The following PTPN3 variants were observed in gnomAD, a reference collection of about 807,000 sequenced individuals.
The protein encoded by PTPN3 is tyrosine-protein phosphatase non-receptor type 3.
A neutral mutation model predicts 132.7 loss-of-function variants in PTPN3; 96 were observed. The observed-to-expected ratio is 0.72, with a 90% CI of 0.61 to 0.86. The LOEUF (loss-of-function observed/expected upper bound fraction) is 0.86, where lower values mean the gene tolerates loss of function less well. Among genes scored for constraint, PTPN3 ranks in the 40% least tolerant of loss-of-function variants. PTPN3 has a pLI of 0.00. For missense variants in PTPN3, 1,125 were observed against 1,159.6 expected, an observed-to-expected ratio of 0.97 and a Z score of 0.43; for synonymous variants, 398 against 429.0, an observed-to-expected ratio of 0.93 and a Z score of 0.89.
chr9:109,474,521 C>T (rs1438967201), intron 1 of PTPN3, among the ~76,000 whole-genome samples: 1 of 152,050 alleles, frequency 6.6e-6, no homozygotes, highest in African/African-American at 2.4e-5. Context: ...GGTGTCAGGA[C>T]CGGTTCACAG....
At position 109,389,292 on chromosome 9, in the gene PTPN3, C is replaced by T; in HGVS notation, c.2194G>A (p.Val732Ile). Residue 732 changes from valine to isoleucine, a missense_variant, in exon 22 of 26, where the codon GTC becomes ATC. Val to Ile is a conservative substitution (Grantham distance 29). Transcript: ENST00000374541. ...PHTCAQFWQV[V>I]WDQKLSLIVM... ...ATGAGTGACAACTTCTGATCCCAGA[C>T]AACCTGCCAAAACTGTGCACAGGTA... 1.2e-6 allele frequency: 2 copies of T among 1,614,218 alleles called. No individual in the cohort carries two copies.
intron 12 of PTPN3, among the ~76,000 whole-genome samples, chr9:109,423,100 G>C (rs1842996143): frequency 6.6e-6 from 1 of 152,214 alleles, no homozygotes; most frequent in South Asian, 2.1e-4. Flanking sequence ...GCTGTTTCCA[G>C]AATATAACCA....
intron 7 of PTPN3, among the ~76,000 whole-genome samples, chr9:109,442,713 A>G (rs1844574832): frequency 6.6e-6 from 1 of 152,224 alleles, no homozygotes. Flanking sequence ...CGTGCCATGC[A>G]CTATTCTAAT....
At chr9:109,423,334 G>A (rs550072337) in intron 12 of PTPN3, among the ~76,000 whole-genome samples, 9 of 152,370 alleles carry the variant, frequency 5.9e-5, no homozygotes, top group South Asian at 4.1e-4. Context: ...ACTGGGCACA[G>A]TGGCTCATGC....
upstream of PTPN3, among the ~76,000 whole-genome samples, chr9:109,501,983 T>G (rs2132142572): frequency 6.6e-6 from 1 of 152,338 alleles, no homozygotes; most frequent in African/African-American, 2.4e-5. Flanking sequence ...GCCAGTAGAC[T>G]GTACCTGGCT....
the PTPN3 span, among the ~76,000 whole-genome samples, chr9:109,524,495 A>C: frequency 6.6e-6 from 1 of 152,218 alleles, no homozygotes; most frequent in South Asian, 2.1e-4. Flanking sequence ...CAAAGCCCAC[A>C]CTCAGAATCA....
rs1258784818 is a variant in PTPN3, at chr9:109,457,397, T to C, written c.141A>G (p.Lys47=). The part of the protein sequence containing the change: ...DGVVQTFKVT[K]QDTGQVLLDM... ...CCAGAAGAACCTGGCCAGTGTCTTG[T>C]TTCTAGAACAAAGGAAATTATCAAG... Residue 47 remains lysine, a splice_region_variant and synonymous_variant, in exon 3 of 26, where the codon AAA becomes AAG. Coordinates refer to ENST00000374541, the MANE Select transcript of PTPN3 (RefSeq NM_002829.4). 2 of 1,606,254 alleles carry C rather than the reference T, an allele frequency of 1.2e-6. No individual in the cohort carries two copies. Among genetic ancestry groups the C allele is most frequent in the African/African-American group, 2.7e-5 (2 of 74,442 alleles).
chr9:109,389,504 C>T lies in PTPN3; in HGVS notation c.2107-125G>A. ...GAAAAATTATCTCTTTATCAATTCA[C>T]AGCCAATAAGGAAAATCAAACAAGT... On this transcript the variant is annotated intron_variant, in intron 21 of 25. Transcript: ENST00000374541. The T allele has an allele frequency of 5.1e-6, 5 of 986,556 alleles. 1 individual carries two copies. In the Admixed American group the frequency reaches 9.4e-5, roughly 19 times the overall value. 61.1% of individuals were successfully genotyped at this position (986,556 alleles called of 1,614,324 possible). A position where few individuals can be genotyped will look rare whatever the true frequency, so the allele number is the denominator to read the frequency against.
In PTPN3 at chr9:109,391,141, C is replaced by T. The variant is rs531494928; in HGVS notation, c.2103G>A (p.Val701=). 1 of 1,612,598 alleles carries T rather than the reference C, an allele frequency of 6.2e-7. No individual in the cohort carries two copies. Among genetic ancestry groups the T allele is most frequent in the South Asian group, 1.1e-5 (1 of 90,942 alleles). Residue 701 remains valine (V), a synonymous_variant, in exon 21 of 26, where the codon GTG becomes GTA. Coordinates refer to ENST00000374541, the MANE Select transcript of PTPN3 (RefSeq NM_002829.4). The stretch of plus-strand genomic sequence containing the variant: ...ATCATCCAGATTCCTAACTTACGTT[C>T]ACGTAACTTGCATTAATATAATCTT... ...GNEDYINASY[V]NMEIPAANLV...
chr9:109,404,478 G>C lies in PTPN3; in HGVS notation c.1923C>G (p.Leu641=). 7.2e-6 allele frequency: 11 copies of C among 1,525,444 alleles called. No homozygotes were observed. Among genetic ancestry groups the C allele is most frequent in the Non-Finnish European group, 9.8e-6 (11 of 1,122,318 alleles). The allele number at this position is 1,525,444 out of a possible 1,614,324, so 94.5% of individuals were successfully genotyped here. The part of the protein sequence containing the change: ...EGSMAQLKKG[L]ESGTVLIQFE... ...ACTGGATCAGCACCGTCCCGCTTTC[G>C]AGGCCCTTCTTTAGCTGTGCCATGG... The change falls in exon 19 of 26, where the codon CTC becomes CTG. Residue 641 remains leucine (L), a synonymous_variant. Transcript: ENST00000374541.
chr9:109,391,218 T>A lies in PTPN3; in HGVS notation c.2045-19A>T, dbSNP rs1840059282. The A allele has an allele frequency of 3.7e-6, 6 of 1,604,990 alleles. No individual in the cohort carries two copies. The East Asian group carries it at 1.3e-4, about 36-fold the overall frequency. On this transcript the variant is annotated intron_variant, in intron 20 of 25. Transcript: ENST00000374541. ...GTGTCATCTGCGGGGAAGAGAAAAA[T>A]TTACCGATTATTCCGAGCATTATTT... is the stretch of plus-strand genomic sequence containing the variant.
At chr9:109,531,411 C>A in the PTPN3 span, among the ~76,000 whole-genome samples, 35 of 152,236 alleles carry the variant, frequency 2.3e-4, no homozygotes, top group Middle Eastern at 3.4e-3. Context: ...CTTATTAACC[C>A]TGATCATGCC....
the PTPN3 span, among the ~76,000 whole-genome samples, chr9:109,526,799 G>A: frequency 6.6e-6 from 1 of 152,210 alleles, no homozygotes; most frequent in African/African-American, 2.4e-5. Flanking sequence ...AATTAAGATA[G>A]TTTGGTACAT....
chr9:109,525,748 G>A, the PTPN3 span, among the ~76,000 whole-genome samples: 27 of 152,274 alleles, frequency 1.8e-4, no homozygotes, highest in East Asian at 4.1e-3. Flanking sequence ...AGTCGTTTTT[G>A]CAGAAGGGCA....
At chr9:109,431,804 T>G (rs762655320) in intron 10 of PTPN3, among the ~76,000 whole-genome samples, 2 of 152,184 alleles carry the variant, frequency 1.3e-5, no homozygotes, top group Non-Finnish European at 2.9e-5. Flanking sequence ...TCAACTACTC[T>G]GATTATTAGC....
Position 109,379,522 on chromosome 9 carries a change from T to C in PTPN3, c.*34A>G, listed in dbSNP as rs1838844067. 8.2e-6 allele frequency: 13 copies of C among 1,579,932 alleles called. No homozygotes were observed. In the East Asian group the frequency reaches 2.9e-4, roughly 35 times the overall value. ...TCCTCCTCTTTCAAGGAGGATGCCC[T>C]TGGGAAAGAGGAATGAACTTTTTCA... On this transcript the variant is annotated 3_prime_UTR_variant, in exon 26 of 26. Transcript: ENST00000374541.
In PTPN3 at chr9:109,391,561, G is replaced by A. The variant is rs1840103431; in HGVS notation, c.1954C>T (p.Gln652Ter). 6.2e-7 allele frequency: 1 copy of A among 1,609,286 alleles called. No homozygotes were observed. Among genetic ancestry groups the A allele is most frequent in the South Asian group, 1.1e-5 (1 of 90,194 alleles). Reference sequence around the variant, plus strand: ...AAACCTGGCTTTTTTCTGTAGAGTTGCTATGTGAGAAATAGAGAAAAAAGC... The same window carrying A: ...AAACCTGGCTTTTTTCTGTAGAGTTACTATGTGAGAAATAGAGAAAAAAGC... Reference protein sequence around the residue: ...ESGTVLIQFEQLYRKKPGLAI... With the variant: ...ESGTVLIQFE The change falls in exon 20 of 26, where the codon CAA becomes TAA. Residue 652 changes from glutamine to a stop codon, truncating the protein, a stop_gained and splice_region_variant. Transcript: ENST00000374541. LOFTEE classifies it high-confidence loss of function.
intron 16 of PTPN3, among the ~76,000 whole-genome samples, chr9:109,409,013 G>C (rs1841856247): frequency 6.6e-6 from 1 of 151,710 alleles, no homozygotes; most frequent in South Asian, 2.1e-4. Context: ...CTGGGGGGTA[G>C]GCGACCACCT....
chr9:109,516,838 T>G, the PTPN3 span, among the ~76,000 whole-genome samples: 1 of 152,242 alleles, frequency 6.6e-6, no homozygotes, highest in African/African-American at 2.4e-5. Context: ...GTAGACCTGG[T>G]TACTGAAGAA....
Sources: allele counts gnomAD v4.1 joint callset (sites outside exome capture counted in the v4.1 genomes callset), GRCh38; gene constraint gnomAD v4.1.1; transcripts MANE v1.5; gene names NCBI Gene and HGNC (gene_info 2026-07-23, HGNC 2026-07-21).